CSGALNACT1: variants seen among roughly 807,000 people sequenced by gnomAD.
CSGALNACT1 encodes beta4GalNAcT-1.
CSGALNACT1 carries 52 observed loss-of-function variants against 51.0 expected under a neutral mutation model. That is an observed-to-expected ratio of 1.02 (90% CI 0.82 to 1.29). CSGALNACT1 has a LOEUF of 1.29. Among genes scored for constraint, CSGALNACT1 ranks in the 50% most tolerant of loss-of-function variants. The pLI is 0.00. For synonymous variants in CSGALNACT1, 341 were observed against 254.4 expected (o/e 1.34, Z -3.24); for missense variants, 935 against 679.2 (o/e 1.38, Z -4.19).
intron 8 of CSGALNACT1, among the ~76,000 whole-genome samples, chr8:19,413,327 T>C (rs111610270): frequency 1.9e-4 from 29 of 152,214 alleles, no homozygotes; most frequent in African/African-American, 6.7e-4. Flanking sequence ...TGCGGTCACA[T>C]AGTGTGGCAC....
chr8:19,446,154 G>A (rs968689894), intron 5 of CSGALNACT1, among the ~76,000 whole-genome samples: 34 of 152,242 alleles, frequency 2.2e-4, no homozygotes, highest in African/African-American at 7.7e-4. Flanking sequence ...CAGCCTGGGC[G>A]ACAGAGCGAG....
intron 4 of CSGALNACT1, among the ~76,000 whole-genome samples, chr8:19,498,405 A>G (rs1207464121): frequency 6.6e-6 from 1 of 152,170 alleles, no homozygotes; most frequent in Non-Finnish European, 1.5e-5. Flanking sequence ...CCTACCCAAC[A>G]CGGGTGAGAT....
At chr8:19,418,679 C>T (rs759949886) in exon 8 of CSGALNACT1, 2 of 1,612,946 alleles carry the variant, frequency 1.2e-6, no homozygotes, top group South Asian at 1.1e-5. Flanking sequence ...AAGGGAGGGA[C>T]TGCATCATGG....
chr8:19,649,326 G>A (rs562956686), intron 1 of CSGALNACT1, among the ~76,000 whole-genome samples: 35 of 152,206 alleles, frequency 2.3e-4, no homozygotes, highest in Middle Eastern at 3.4e-3. Flanking sequence ...TCACTCTAAG[G>A]AAGGGACTGC....
intron 1 of CSGALNACT1, among the ~76,000 whole-genome samples, chr8:19,754,214 G>A (rs1333999606): frequency 6.6e-6 from 1 of 152,100 alleles, no homozygotes; most frequent in East Asian, 1.9e-4. Context: ...TTTTAGTAGA[G>A]GTGGGGTTTC....
At chr8:19,584,333 C>T (rs1347962305) in intron 3 of CSGALNACT1, among the ~76,000 whole-genome samples, 2 of 152,178 alleles carry the variant, frequency 1.3e-5, no homozygotes, top group East Asian at 1.9e-4. Context: ...TAATATTACT[C>T]ATACTGGGCC....
At position 19,415,498 on chromosome 8, in the gene CSGALNACT1, C is replaced by T. The variant is rs115929266; in HGVS notation, c.1227+3158G>A. 1.9e-3 allele frequency among the ~76,000 whole-genome samples: 293 copies of T among 152,258 alleles called. 2 individuals are homozygous for T. Among genetic ancestry groups the T allele is most frequent in the African/African-American group, 6.8e-3 (282 of 41,540 alleles). On this transcript the variant is annotated intron_variant, in intron 8 of 9. Coordinates refer to ENST00000454498, the Ensembl canonical transcript of CSGALNACT1. Reference sequence around the variant, plus strand: ...CTGCAGGATAATTCACAGCCTGTGGCAACAATGGACACAGGGAATCTGAGT... The same window carrying T: ...CTGCAGGATAATTCACAGCCTGTGGTAACAATGGACACAGGGAATCTGAGT...
At chr8:19,708,335 G>A (rs1347074442) in intron 1 of CSGALNACT1, among the ~76,000 whole-genome samples, 2 of 152,128 alleles carry the variant, frequency 1.3e-5, no homozygotes, top group East Asian at 1.9e-4. Flanking sequence ...TCAGCGTGAG[G>A]TATTTTCACC....
At chr8:19,630,058 T>C (rs1329482634) in intron 1 of CSGALNACT1, among the ~76,000 whole-genome samples, 1 of 152,002 alleles carries the variant, frequency 6.6e-6, no homozygotes, top group Non-Finnish European at 1.5e-5. Flanking sequence ...CAGAGCAACG[T>C]GGAAAAACTG....
At chr8:19,554,019 C>A (rs1013379035) in intron 3 of CSGALNACT1, among the ~76,000 whole-genome samples, 15 of 151,652 alleles carry the variant, frequency 9.9e-5, no homozygotes, top group African/African-American at 3.6e-4. Context: ...TCCAGTTTGT[C>A]CATTGTTCAA....
At chr8:19,404,413 C>G (rs1286554083) in exon 10 of CSGALNACT1, 2 of 452,978 alleles carry the variant, frequency 4.4e-6, no homozygotes, top group African/African-American at 2.0e-5. Flanking sequence ...AGAAACCACT[C>G]TATGTTAACT....
chr8:19,500,308 C>G (rs951700549), intron 4 of CSGALNACT1, among the ~76,000 whole-genome samples: 2 of 152,120 alleles, frequency 1.3e-5, no homozygotes, highest in Admixed American at 6.6e-5. Context: ...GCCTGTGAGT[C>G]TCCTCCCACT....
At chr8:19,409,071 G>A (rs1032186887) in intron 8 of CSGALNACT1, among the ~76,000 whole-genome samples, 2 of 152,082 alleles carry the variant, frequency 1.3e-5, no homozygotes, top group African/African-American at 4.8e-5. Context: ...AGCGAGAATC[G>A]GAGGCTTGGG....
chr8:19,682,284 C>T (rs1372863746), intron 1 of CSGALNACT1, among the ~76,000 whole-genome samples: 1 of 152,130 alleles, frequency 6.6e-6, no homozygotes, highest in South Asian at 2.1e-4. Context: ...TCTCCTCTCC[C>T]TGCTTTGGGC....
chr8:19,649,818 G>GAAAAAAAAAAA (rs1564347327), intron 1 of CSGALNACT1, among the ~76,000 whole-genome samples: 7 of 1,554 alleles, frequency 4.5e-3, no homozygotes, highest in African/African-American at 8.6e-3. Context: ...ATTCCAAGTA[G>GAAAAAAAAAAA]CAAAAAAAAA....
In CSGALNACT1 at chr8:19,757,290, G is replaced by C. The variant is rs1293128723; in HGVS notation, c.-297+560C>G. The C allele has an allele frequency of 2.7e-5, 4 of 150,346 alleles. No homozygotes were observed. The highest frequency in any genetic ancestry group is 1.9e-4 in the East Asian group (1 of 5,144). 9.3% of individuals were successfully genotyped at this position (150,346 alleles called of 1,614,324 possible). On this transcript the variant is annotated intron_variant, in intron 1 of 1. Coordinates refer to the CSGALNACT1 transcript ENST00000517494. This position sits in a 1 kb window ranked among gnomAD's most constrained non-coding sequence, Gnocchi z 4.0. ...CGGACTCGGCTCCACCTCCCGCTCC[G>C]GCAGCCGCGGAGCCTCCAGGGACCC...
At chr8:19,670,108 C>T (rs1261849450) in intron 1 of CSGALNACT1, among the ~76,000 whole-genome samples, 1 of 152,192 alleles carries the variant, frequency 6.6e-6, no homozygotes, top group Non-Finnish European at 1.5e-5. Context: ...TGCCTGTCCC[C>T]AGATCGCATG....
chr8:19,497,409 C>A (rs192139248), intron 4 of CSGALNACT1, among the ~76,000 whole-genome samples: 1 of 152,246 alleles, frequency 6.6e-6, no homozygotes, highest in African/African-American at 2.4e-5. Flanking sequence ...ACTACAGCAA[C>A]AACAAACCTC....
At chr8:19,408,949 A>AACACACACACACACACCCACAC (rs2054971287) in intron 8 of CSGALNACT1, among the ~76,000 whole-genome samples, 1 of 142,216 alleles carries the variant, frequency 7.0e-6, no homozygotes, top group South Asian at 2.4e-4. Flanking sequence ...TAGATATGAA[A>AACACACACACACACACCCACAC]ACACACACAC....
Sources: gnomAD v4.1 joint callset for allele counts (sites outside exome capture counted in the v4.1 genomes callset) on GRCh38, gnomAD v4.1.1 for gene constraint, Gnocchi (gnomAD v3.1) non-coding constraint, MANE v1.5 for transcripts, NCBI Gene and HGNC (gene_info 2026-07-23, HGNC 2026-07-21) for gene names.